Variants in PCDHA9 observed in about 807,000 individuals in gnomAD.
PCDHA9 encodes the protein protocadherin alpha-9.
In PCDHA9, 62 loss-of-function variants were observed where a neutral mutation model predicts 62.0. That is an observed-to-expected ratio of 1.00 (90% CI 0.81 to 1.23). The LOEUF is 1.23. PCDHA9 is among the 50% of genes most tolerant of loss of function. The pLI is 0.00. For missense variants in PCDHA9, 1,205 were observed against 1,249.8 expected, an observed-to-expected ratio of 0.96 and a Z score of 0.54; for synonymous variants, 557 against 567.6, an observed-to-expected ratio of 0.98 and a Z score of 0.27.
intron 1 of PCDHA9, chr5:140,871,311 C>A (rs782501180): frequency 6.2e-7 from 1 of 1,613,922 alleles, no homozygotes; most frequent in African/African-American, 1.3e-5. Flanking sequence ...CGGGGAAGCC[C>A]ACGCTGGTGT....
At chr5:140,886,436 T>A (rs1434592910) in intron 1 of PCDHA9, among the ~76,000 whole-genome samples, 2 of 152,158 alleles carry the variant, frequency 1.3e-5, no homozygotes, top group African/African-American at 4.8e-5. Context: ...TATTCATTTG[T>A]TTGTACTAAT....
intron 3 of PCDHA9, among the ~76,000 whole-genome samples, chr5:141,005,617 G>C (rs1419951778): frequency 6.7e-6 from 1 of 149,280 alleles, no homozygotes; most frequent in Non-Finnish European, 1.5e-5. Context: ...CAGGAGAATG[G>C]CGTGAACCCG....
rs78166744 is a variant in PCDHA9, at chr5:140,875,394, G to A, written c.2394+24505G>A. Reference sequence around the variant, plus strand: ...TACTAAATATGTACTTACAGAAAAGGGTGACTGCTCATAAAATACCTCAGG... The same window carrying A: ...TACTAAATATGTACTTACAGAAAAGAGTGACTGCTCATAAAATACCTCAGG... On this transcript the variant is annotated intron_variant, in intron 1 of 3. Coordinates refer to ENST00000532602, the MANE Select transcript of PCDHA9 (RefSeq NM_031857.2). The A allele has an allele frequency of 1.4e-3, 2,104 of 1,476,976 alleles. 18 individuals carry two copies. The African/African-American group carries it at 0.02, about 14-fold the overall frequency. The allele number at this position is 1,476,976 out of a possible 1,614,324, so 91.5% of individuals were successfully genotyped here.
chr5:140,872,424 C>T (rs534204647), intron 1 of PCDHA9, among the ~76,000 whole-genome samples: 4 of 152,028 alleles, frequency 2.6e-5, no homozygotes, highest in South Asian at 2.1e-4. Context: ...CCCAAGAGTT[C>T]GAGGCCTGCC....
intron 3 of PCDHA9, among the ~76,000 whole-genome samples, chr5:140,992,102 G>A (rs1205417295): frequency 6.6e-6 from 1 of 150,914 alleles, no homozygotes; most frequent in Non-Finnish European, 1.5e-5. Context: ...AGAGAATTAA[G>A]GTGAGATGTG....
intron 1 of PCDHA9, chr5:140,863,096 G>A (rs1554157719): frequency 5.2e-6 from 3 of 578,170 alleles, no homozygotes; most frequent in South Asian, 1.4e-5. Flanking sequence ...AGCACGACGA[G>A]TACCCTGGAC....
chr5:140,927,685 A>G lies in PCDHA9; in HGVS notation c.2395-51264A>G, dbSNP rs782137754. 2.5e-6 allele frequency: 4 copies of G among 1,614,092 alleles called. No individual in the cohort carries two copies. In the African/African-American group the frequency reaches 4.0e-5, roughly 16 times the overall value. ...AGCCTTGGATCCAGATGAAGGGTCC[A>G]ATGGGGAAGTCCAGTACTCCCTAAG... is the stretch of plus-strand genomic sequence containing the variant. On this transcript the variant is annotated intron_variant, in intron 1 of 3. Transcript: ENST00000532602.
chr5:140,968,328 A>AT (rs1554230627), intron 1 of PCDHA9: 1 of 1,614,076 alleles, frequency 6.2e-7, no homozygotes, highest in South Asian at 1.1e-5. Flanking sequence ...GTCACCTCCT[A>AT]TGTCTCCATT....
chr5:140,972,660 A>ATTTT (rs11350929), intron 1 of PCDHA9, among the ~76,000 whole-genome samples: 3 of 117,268 alleles, frequency 2.6e-5, no homozygotes, highest in Admixed American at 9.2e-5. Context: ...AAGAAACCAA[A>ATTTT]TTTTTTTTTT....
At chr5:141,006,375 CTAAG>C (rs2098270775) in intron 3 of PCDHA9, among the ~76,000 whole-genome samples, 1 of 151,930 alleles carries the variant, frequency 6.6e-6, no homozygotes, top group Admixed American at 6.6e-5. Flanking sequence ...CCACGCCCGG[CTAAG>C]TTTTTTCTAT....
intron 1 of PCDHA9, chr5:140,876,457 T>C: frequency 6.2e-7 from 1 of 1,614,008 alleles, no homozygotes; most frequent in Non-Finnish European, 8.5e-7. Flanking sequence ...AGGGATTCCT[T>C]CCATGGCAGG....
intron 1 of PCDHA9, chr5:140,860,712 G>C (rs1200202390): frequency 5.3e-5 from 8 of 152,188 alleles, no homozygotes; most frequent in African/African-American, 1.9e-4. Flanking sequence ...TGTTCTCCAT[G>C]AAAAGTTTTT....
In PCDHA9 at chr5:140,857,202, C is replaced by A. The variant is rs560343247; in HGVS notation, c.2394+6313C>A. 14 of 1,598,626 alleles carry A rather than the reference C, an allele frequency of 8.8e-6. No individual in the cohort carries two copies. In the African/African-American group the frequency reaches 1.1e-4, roughly 12 times the overall value. On this transcript the variant is annotated intron_variant, in intron 1 of 3. Coordinates refer to ENST00000532602, the MANE Select transcript of PCDHA9 (RefSeq NM_031857.2). The stretch of plus-strand genomic sequence containing the variant: ...GATTCAGGAGCCAACGGACAGGTCA[C>A]CTGCTCTCTGACGCCTCACGTTCCG...
At chr5:140,899,252 C>T (rs1219703479) in intron 1 of PCDHA9, among the ~76,000 whole-genome samples, 1 of 152,142 alleles carries the variant, frequency 6.6e-6, no homozygotes, top group Non-Finnish European at 1.5e-5. Context: ...TGAGAGAGGG[C>T]ATCCCTGTCT....
intron 3 of PCDHA9, among the ~76,000 whole-genome samples, chr5:140,993,462 T>TCTCACA (rs1235362335): frequency 7.1e-6 from 1 of 140,938 alleles, no homozygotes; most frequent in Non-Finnish European, 1.5e-5. Flanking sequence ...TCTTTCTTTC[T>TCTCACA]CACACACACA....
chr5:140,926,351 C>T (rs1301072681), intron 1 of PCDHA9: 2 of 152,276 alleles, frequency 1.3e-5, no homozygotes, highest in African/African-American at 4.8e-5. Flanking sequence ...CGACGCGCGG[C>T]TCCCAAAGGG....
At chr5:140,985,391 C>T (rs2097149590) in intron 3 of PCDHA9, among the ~76,000 whole-genome samples, 1 of 152,136 alleles carries the variant, frequency 6.6e-6, no homozygotes, top group Non-Finnish European at 1.5e-5. Context: ...TCCAGTCACC[C>T]CAACTGTTCC....
chr5:140,966,852 T>C, intron 1 of PCDHA9: 1 of 1,572,518 alleles, frequency 6.4e-7, no homozygotes, highest in South Asian at 1.1e-5. Flanking sequence ...CTGCCTCTCC[T>C]GCTGCTGTTG....
intron 1 of PCDHA9, chr5:140,884,324 G>T (rs782624216): frequency 1.2e-6 from 2 of 1,613,840 alleles, no homozygotes; most frequent in Non-Finnish European, 1.7e-6. Context: ...GTCGGCAGGC[G>T]CTGTGGGTCC....
Sources: allele counts gnomAD v4.1 joint callset (sites outside exome capture counted in the v4.1 genomes callset), GRCh38; gene constraint gnomAD v4.1.1; transcripts MANE v1.5; gene names NCBI Gene and HGNC (gene_info 2026-07-23, HGNC 2026-07-21).